Variants in GNAQ observed in about 807,000 individuals in gnomAD.
GNAQ encodes the protein guanine nucleotide-binding protein G(q) subunit alpha.
In GNAQ, 8 loss-of-function variants were observed where a neutral mutation model predicts 43.9. The observed-to-expected ratio is 0.18, with a 90% CI of 0.11 to 0.33. The LOEUF (loss-of-function observed/expected upper bound fraction) is 0.33. GNAQ is among the 10% of genes least tolerant of loss of function. The pLI is 1.00. For missense variants in GNAQ, 158 were observed against 450.8 expected (o/e 0.35, Z 5.88); for synonymous variants, 155 against 170.7 (o/e 0.91, Z 0.71).
intron 1 of GNAQ, among the ~76,000 whole-genome samples, chr9:78,027,951 A>G (rs1209200459): frequency 6.6e-6 from 1 of 152,192 alleles, no homozygotes; most frequent in African/African-American, 2.4e-5. Flanking sequence ...CAGGATAACT[A>G]TATGTAACAT....
In GNAQ at chr9:78,031,218, G is replaced by C. The variant is rs779515663; in HGVS notation, c.18C>G (p.Ile6Met). The change falls in exon 1 of 7, where the codon ATC becomes ATG. Residue 6 changes from isoleucine (I) to methionine (M), a missense_variant. Transcript: ENST00000286548. ...CCTCCTCGCTCAGGCAGCACGCCAT[G>C]ATGGACTCCAGAGTCATTCTTCCAA... MTLES[I>M]MACCLSEEAK... The C allele has an allele frequency of 6.5e-7, 1 of 1,546,238 alleles. No individual in the cohort carries two copies. Among genetic ancestry groups the C allele is most frequent in the African/African-American group, 1.4e-5 (1 of 70,356 alleles).
At chr9:77,864,191 A>G (rs1370941467) in intron 2 of GNAQ, among the ~76,000 whole-genome samples, 1 of 149,562 alleles carries the variant, frequency 6.7e-6, no homozygotes, top group Admixed American at 6.6e-5. Flanking sequence ...TTTTTTAAAC[A>G]ATTAGTTCTC....
In GNAQ at chr9:77,775,904, G is replaced by A. The variant is rs534148554; in HGVS notation, c.735+18559C>T. Among the ~76,000 whole-genome samples the A allele has an allele frequency of 7.9e-5, 12 of 152,118 alleles. No homozygotes were observed. In the South Asian group the frequency reaches 2.5e-3, roughly 32 times the overall value. ...TGTGCCACTGCACTCCAACCTGGGT[G>A]ACAGAGCACGACTCTGTATCAAACA... On this transcript the variant is annotated intron_variant, in intron 5 of 6. Transcript: ENST00000286548.
chr9:77,744,660 A>C (rs930179708), intron 5 of GNAQ, among the ~76,000 whole-genome samples: 21 of 152,244 alleles, frequency 1.4e-4, no homozygotes, highest in African/African-American at 4.6e-4. Flanking sequence ...GAAGAAAATT[A>C]CATAATCAAG....
At chr9:77,822,116 GA>G (rs1827127238) in intron 2 of GNAQ, among the ~76,000 whole-genome samples, 1 of 152,184 alleles carries the variant, frequency 6.6e-6, no homozygotes, top group Non-Finnish European at 1.5e-5. Context: ...CCCTTACCTA[GA>G]AAGGTGCTAT....
intron 2 of GNAQ, among the ~76,000 whole-genome samples, chr9:77,843,766 C>T (rs2117893166): frequency 6.6e-6 from 1 of 152,232 alleles, no homozygotes; most frequent in African/African-American, 2.4e-5. Flanking sequence ...CTTTGTAACA[C>T]AATTTAAACA....
intron 2 of GNAQ, among the ~76,000 whole-genome samples, chr9:77,849,433 C>T (rs1471638067): frequency 6.6e-6 from 1 of 152,028 alleles, no homozygotes; most frequent in Non-Finnish European, 1.5e-5. Flanking sequence ...CAATGTGGAG[C>T]CATGTGGGGT....
intron 3 of GNAQ, among the ~76,000 whole-genome samples, chr9:77,813,333 C>T (rs576413592): frequency 1.3e-5 from 2 of 152,288 alleles, no homozygotes; most frequent in African/African-American, 2.4e-5. Flanking sequence ...GAGGGCCCCA[C>T]GTTTTGGTCT....
chr9:77,854,396 G>A (rs1404286077), intron 2 of GNAQ, among the ~76,000 whole-genome samples: 1 of 152,122 alleles, frequency 6.6e-6, no homozygotes, highest in African/African-American at 2.4e-5. Context: ...CTATTGTCAG[G>A]AAATGTTAAA....
intron 1 of GNAQ, among the ~76,000 whole-genome samples, chr9:77,958,129 GT>G (rs1453279060): frequency 1.3e-5 from 2 of 152,178 alleles, no homozygotes; most frequent in African/African-American, 4.8e-5. Context: ...TGATAAATCT[GT>G]TGGGAGGGTT....
chr9:77,890,490 G>A (rs1337774386), intron 2 of GNAQ, among the ~76,000 whole-genome samples: 3 of 152,152 alleles, frequency 2.0e-5, no homozygotes, highest in Non-Finnish European at 2.9e-5. Context: ...TTGGGAGGCC[G>A]AGGTGGGAGG....
At chr9:77,919,130 G>A (rs968263355) in intron 2 of GNAQ, among the ~76,000 whole-genome samples, 1 of 152,144 alleles carries the variant, frequency 6.6e-6, no homozygotes, top group African/African-American at 2.4e-5. Flanking sequence ...ATGCTAGCCA[G>A]GCTGGTCTCA....
chr9:78,025,446 C>T (rs997440479), intron 1 of GNAQ, among the ~76,000 whole-genome samples: 2 of 152,186 alleles, frequency 1.3e-5, no homozygotes, highest in African/African-American at 4.8e-5. Context: ...TACCAACAAT[C>T]GCACATTTTA....
At chr9:77,881,417 TGTC>T (rs1828204842) in intron 2 of GNAQ, among the ~76,000 whole-genome samples, 1 of 152,220 alleles carries the variant, frequency 6.6e-6, no homozygotes, top group East Asian at 1.9e-4. Flanking sequence ...CTTGCTCTGT[TGTC>T]CATACTGGAG....
chr9:77,731,607 T>G (rs1010252851), intron 5 of GNAQ, among the ~76,000 whole-genome samples: 5 of 152,228 alleles, frequency 3.3e-5, no homozygotes, highest in African/African-American at 9.6e-5. Context: ...AGGAATCTGC[T>G]TCTTACAAGC....
intron 1 of GNAQ, among the ~76,000 whole-genome samples, chr9:77,931,763 C>T (rs17063960): frequency 0.017 from 2,564 of 152,292 alleles, 34 homozygotes; most frequent in Non-Finnish European, 0.029. Context: ...AATTACCTGT[C>T]CTCTCTAAGC....
intron 1 of GNAQ, among the ~76,000 whole-genome samples, chr9:77,949,423 A>G (rs889262440): frequency 6.6e-6 from 1 of 152,186 alleles, no homozygotes. Flanking sequence ...CTCTTGGGAG[A>G]AACAGGGGCT....
intron 1 of GNAQ, among the ~76,000 whole-genome samples, chr9:77,950,352 C>T (rs1276915838): frequency 6.6e-6 from 1 of 152,192 alleles, no homozygotes; most frequent in African/African-American, 2.4e-5. Flanking sequence ...CTCCACGCTA[C>T]ATGGCTGTCA....
chr9:77,996,408 G>A (rs1270959678), intron 1 of GNAQ, among the ~76,000 whole-genome samples: 3 of 152,096 alleles, frequency 2.0e-5, no homozygotes, highest in East Asian at 3.9e-4. Context: ...GGCTAGGCGC[G>A]GTGGCTCACG....
Sources: allele counts gnomAD v4.1 joint callset (sites outside exome capture counted in the v4.1 genomes callset), GRCh38; gene constraint gnomAD v4.1.1; transcripts MANE v1.5; gene names NCBI Gene and HGNC (gene_info 2026-07-23, HGNC 2026-07-21).